Variants in BEST3 observed in about 807,000 individuals in gnomAD.
BEST3 encodes the protein bestrophin 3.
BEST3 carries 50 observed loss-of-function variants against 47.1 expected under a neutral mutation model. The observed-to-expected ratio is 1.06, with a 90% confidence interval of 0.85 to 1.34. The LOEUF (loss-of-function observed/expected upper bound fraction) is 1.34. Among genes scored for constraint, BEST3 ranks in the 40% most tolerant of loss-of-function variants. The probability of loss-of-function intolerance (pLI) is 0.00; values close to 1 mark genes in which losing one functional copy is unlikely to be tolerated. For synonymous variants in BEST3, 282 were observed against 298.8 expected, an observed-to-expected ratio of 0.94 and a Z score of 0.58; for missense variants, 765 against 817.0, an observed-to-expected ratio of 0.94 and a Z score of 0.78.
intron 9 of BEST3, chr12:69,661,086 TGTC>T (rs1167438872): frequency 6.6e-6 from 1 of 152,212 alleles, no homozygotes; most frequent in African/African-American, 2.4e-5. Context: ...CTGATGAAGA[TGTC>T]AGCAGACTGC....
At chr12:69,698,462 C>A (rs1372294623) in intron 1 of BEST3, among the ~76,000 whole-genome samples, 2 of 150,350 alleles carry the variant, frequency 1.3e-5, no homozygotes, top group African/African-American at 4.8e-5. Context: ...CCACTTTTCA[C>A]CAAGACATTA....
In BEST3 at chr12:69,659,082, T is replaced by C. The variant is rs541180764; in HGVS notation, c.1101-3269A>G. Among the ~76,000 whole-genome samples, 28 of 152,308 alleles carry C rather than the reference T, an allele frequency of 1.8e-4. No individual in the cohort carries two copies. The South Asian group carries it at 5.4e-3, about 29-fold the overall frequency. On this transcript the variant is annotated intron_variant, in intron 9 of 9. Transcript: ENST00000330891. Reference sequence around the variant, plus strand: ...CTCCTTTAGTCTGAAACAGGGTCTTTAGAAGCACGCTTGGTGATCAGTGCT... The same window carrying C: ...CTCCTTTAGTCTGAAACAGGGTCTTCAGAAGCACGCTTGGTGATCAGTGCT...
intron 1 of BEST3, among the ~76,000 whole-genome samples, chr12:69,698,109 A>G (rs1180991016): frequency 2.0e-5 from 3 of 152,170 alleles, no homozygotes; most frequent in Non-Finnish European, 4.4e-5. Context: ...TGAATGAACA[A>G]ATGAGACAAA....
Position 69,697,668 on chromosome 12 carries a change from G to A in BEST3, c.131C>T (p.Thr44Ile). Reference protein sequence around the residue: ...REFIVFAVLYTAISLVYRLLL... With the variant: ...REFIVFAVLYIAISLVYRLLL... ...GTACCTGTATACCAAACTTATTGCT[G>A]TATAAAGAACAGCAAAAACAATAAA... is the stretch of plus-strand genomic sequence containing the variant. Residue 44 changes from threonine (T) to isoleucine (I), a missense_variant, in exon 2 of 10, where the codon ACA becomes ATA. Transcript: ENST00000330891. The A allele has an allele frequency of 1.9e-6, 3 of 1,604,632 alleles. No homozygotes were observed. Among genetic ancestry groups the A allele is most frequent in the Non-Finnish European group, 2.6e-6 (3 of 1,175,938 alleles).
At chr12:69,676,409 T>A (rs1245037252) in intron 7 of BEST3, among the ~76,000 whole-genome samples, 1 of 139,592 alleles carries the variant, frequency 7.2e-6, no homozygotes, top group Non-Finnish European at 1.6e-5. Flanking sequence ...AGACTCTGTC[T>A]CAGGGAAAGT....
At chr12:69,695,321 T>A (rs1941288662) in intron 2 of BEST3, among the ~76,000 whole-genome samples, 1 of 152,098 alleles carries the variant, frequency 6.6e-6, no homozygotes, top group Admixed American at 6.5e-5. Context: ...ATAACAAGCA[T>A]CAAAGGCTCA....
intron 4 of BEST3, among the ~76,000 whole-genome samples, chr12:69,693,245 C>CTTTTTTTTTTTTT (rs71094730): frequency 1.5e-5 from 2 of 136,664 alleles, no homozygotes; most frequent in Non-Finnish European, 3.1e-5. Context: ...CTCTCTCTCT[C>CTTTTTTTTTTTTT]TTTTTTTTTT....
chr12:69,660,030 T>C (rs1346026835), intron 9 of BEST3: 2 of 152,100 alleles, frequency 1.3e-5, no homozygotes, highest in African/African-American at 2.4e-5. Flanking sequence ...GGAAAAATAA[T>C]TTATTTTGAG....
intron 4 of BEST3, among the ~76,000 whole-genome samples, chr12:69,681,530 AT>A (rs1885253285): frequency 6.6e-6 from 1 of 152,210 alleles, no homozygotes; most frequent in Non-Finnish European, 1.5e-5. Flanking sequence ...AGTAAAAAAA[AT>A]GTCAAAGGAG....
At chr12:69,680,310 C>CTTTTTT (rs1555207049) in intron 4 of BEST3, among the ~76,000 whole-genome samples, 1 of 95,032 alleles carries the variant, frequency 1.1e-5, no homozygotes, top group African/African-American at 4.3e-5. Flanking sequence ...TACACTTGAT[C>CTTTTTT]TTTTTTTTTT....
At chr12:69,667,296 T>G (rs2135948054) in intron 9 of BEST3, among the ~76,000 whole-genome samples, 1 of 152,312 alleles carries the variant, frequency 6.6e-6, no homozygotes, top group East Asian at 1.9e-4. Flanking sequence ...ATTCTTTTTT[T>G]CTTTTTTTGA....
At chr12:69,650,024 T>C (rs1388635966), downstream of BEST3, among the ~76,000 whole-genome samples, 1 of 152,218 alleles carries the variant, frequency 6.6e-6, no homozygotes, top group Non-Finnish European at 1.5e-5. Flanking sequence ...ACTTTCTGAA[T>C]TAACTCAGAG....
intron 9 of BEST3, among the ~76,000 whole-genome samples, chr12:69,667,794 C>CT (rs1424133298): frequency 6.6e-6 from 1 of 151,908 alleles, no homozygotes; most frequent in African/African-American, 2.4e-5. Flanking sequence ...TTTTTCTTTT[C>CT]TTTTTTTGAC....
chr12:69,663,674 A>G (rs576459984), intron 9 of BEST3, among the ~76,000 whole-genome samples: 3 of 152,200 alleles, frequency 2.0e-5, no homozygotes, highest in South Asian at 4.2e-4. Flanking sequence ...TTAAAAAAAA[A>G]GCCAGGCATG....
chr12:69,682,221 G>A (rs1198012463), intron 4 of BEST3, among the ~76,000 whole-genome samples: 1 of 152,096 alleles, frequency 6.6e-6, no homozygotes, highest in African/African-American at 2.4e-5. Flanking sequence ...TTGGGTCTAG[G>A]CAGTTGCATA....
intron 2 of BEST3, among the ~76,000 whole-genome samples, chr12:69,695,804 T>C (rs1205511348): frequency 2.4e-4 from 37 of 152,202 alleles, no homozygotes; most frequent in Non-Finnish European, 1.5e-5. Flanking sequence ...AAAGATTAAA[T>C]AATATATGTA....
chr12:69,664,685 A>G (rs1884079151), intron 9 of BEST3, among the ~76,000 whole-genome samples: 1 of 147,718 alleles, frequency 6.8e-6, no homozygotes, highest in Non-Finnish European at 1.5e-5. Context: ...CATATAAAAT[A>G]TTATATTTAT....
intron 9 of BEST3, chr12:69,670,497 T>C: frequency 4.3e-6 from 3 of 702,900 alleles, no homozygotes; most frequent in Non-Finnish European, 7.8e-6. Context: ...CAGAGGCCCC[T>C]TTGGAAGAGA....
rs767170511 is a variant in BEST3, at chr12:69,684,539, T to A, written c.482-5646A>T. 4.5e-6 allele frequency: 3 copies of A among 668,208 alleles called. No individual in the cohort carries two copies. The South Asian group carries it at 4.8e-5, about 11-fold the overall frequency. The allele number at this position is 668,208 out of a possible 1,614,324, so 41.4% of individuals were successfully genotyped here. On this transcript the variant is annotated intron_variant, in intron 4 of 9. Coordinates refer to ENST00000330891, the MANE Select transcript of BEST3 (RefSeq NM_032735.3). ...CAAGCAGAGTATTCAAACGAGGCTCTATTAGCAGAGGAACTAAAAGCTCTG... is the reference window on the plus strand; with the variant it reads ...CAAGCAGAGTATTCAAACGAGGCTCAATTAGCAGAGGAACTAAAAGCTCTG...
Sources: allele counts gnomAD v4.1 joint callset (sites outside exome capture counted in the v4.1 genomes callset), GRCh38; gene constraint gnomAD v4.1.1; transcripts MANE v1.5; gene names NCBI Gene and HGNC (gene_info 2026-07-23, HGNC 2026-07-21).